TRPM1: variants seen among roughly 807,000 people sequenced by gnomAD.
TRPM1 encodes TRPM1-203 APA Isoform, Intron 10.
In TRPM1, 113 loss-of-function variants were observed where a neutral mutation model predicts 149.4. The observed-to-expected ratio is 0.76, with a 90% confidence interval of 0.65 to 0.88. TRPM1 has a LOEUF of 0.88. Ranked by LOEUF, TRPM1 falls within the 40% of genes least tolerant of loss-of-function variation. The pLI is 0.00. For synonymous variants in TRPM1, 741 were observed against 759.5 expected (o/e 0.98, Z 0.40); for missense variants, 1,976 against 2,038.7 (o/e 0.97, Z 0.59).
chr15:31,074,855 G>A (rs1321112089), intron 3 of TRPM1, among the ~76,000 whole-genome samples: 1 of 152,024 alleles, frequency 6.6e-6, no homozygotes, highest in Non-Finnish European at 1.5e-5. Flanking sequence ...CATCCCCTAA[G>A]TTTTGGTTTG....
At position 31,077,084 on chromosome 15, in the gene TRPM1, A is replaced by T. The variant is rs1204625813; in HGVS notation, c.4-100T>A. 6.5e-6 allele frequency: 5 copies of T among 771,724 alleles called. No homozygotes were observed. In the Admixed American group the frequency reaches 9.9e-5, roughly 15 times the overall value. The allele number at this position is 771,724 out of a possible 1,614,324, so 47.8% of individuals were successfully genotyped here. A position where few individuals can be genotyped will look rare whatever the true frequency, so the allele number is the denominator to read the frequency against. On this transcript the variant is annotated intron_variant, in intron 2 of 27. Coordinates refer to ENST00000256552, the MANE Select transcript of TRPM1 (RefSeq NM_001252024.2). ...ATAAAACAATATGTCTGCCCACAAC[A>T]TCTGAATAGTCATCTGCAATAATGG...
chr15:31,111,038 T>C (rs1378430233), intron 1 of TRPM1, among the ~76,000 whole-genome samples: 1 of 152,122 alleles, frequency 6.6e-6, no homozygotes, highest in Non-Finnish European at 1.5e-5. Flanking sequence ...TTTTGTTTCT[T>C]TGTTTTAATC....
At chr15:31,157,666 G>A (rs1352700004) in intron 1 of TRPM1, among the ~76,000 whole-genome samples, 1 of 152,166 alleles carries the variant, frequency 6.6e-6, no homozygotes, top group Non-Finnish European at 1.5e-5. Flanking sequence ...GCAGGCTGCT[G>A]AGGGATGGAG....
chr15:31,064,281 C>T (rs1399526648), intron 7 of TRPM1, among the ~76,000 whole-genome samples: 1 of 152,086 alleles, frequency 6.6e-6, no homozygotes, highest in African/African-American at 2.4e-5. Flanking sequence ...AGATCTTGGA[C>T]GCAGCCACTT....
chr15:31,140,310 C>T (rs560617313), intron 1 of TRPM1, among the ~76,000 whole-genome samples: 6 of 151,428 alleles, frequency 4.0e-5, no homozygotes, highest in Non-Finnish European at 7.4e-5. Flanking sequence ...ACCCAGGAGG[C>T]GGAGCTTGCA....
intron 1 of TRPM1, among the ~76,000 whole-genome samples, chr15:31,160,630 T>C (rs1411932600): frequency 1.3e-5 from 2 of 152,216 alleles, no homozygotes; most frequent in Non-Finnish European, 2.9e-5. Context: ...TGAAAGGATT[T>C]GTGCCACTCA....
chr15:31,119,975 A>T (rs1000715269), intron 1 of TRPM1, among the ~76,000 whole-genome samples: 3 of 152,162 alleles, frequency 2.0e-5, no homozygotes, highest in Non-Finnish European at 4.4e-5. Context: ...AATGGTTACA[A>T]ATATGATAGA....
At chr15:31,104,977 A>G (rs748526161), upstream of TRPM1, among the ~76,000 whole-genome samples, 3 of 152,182 alleles carry the variant, frequency 2.0e-5, no homozygotes, top group African/African-American at 7.2e-5. Flanking sequence ...TTCCCTGGGC[A>G]GATTTGGTCA....
At chr15:31,110,618 G>A (rs1412621821) in intron 1 of TRPM1, among the ~76,000 whole-genome samples, 1 of 152,148 alleles carries the variant, frequency 6.6e-6, no homozygotes, top group Admixed American at 6.5e-5. Flanking sequence ...GTCAACAGGT[G>A]AACGTTGGCA....
At chr15:31,149,118 T>A (rs1012878253) in intron 1 of TRPM1, among the ~76,000 whole-genome samples, 1 of 152,174 alleles carries the variant, frequency 6.6e-6, no homozygotes, top group Admixed American at 6.5e-5. Context: ...TAATAGCCAA[T>A]GTCCCAGATC....
At chr15:31,061,369 G>A in intron 10 of TRPM1, 73 bp downstream of exon 10, 1 of 1,462,620 alleles carries the variant, frequency 6.8e-7, no homozygotes, top group East Asian at 2.3e-5. Context: ...TAGTCCATGG[G>A]AGGCCGGGAG....
At chr15:31,118,568 C>T (rs10467996) in intron 1 of TRPM1, among the ~76,000 whole-genome samples, 94,907 of 151,924 alleles carry the variant, frequency 0.62, 29,821 homozygotes, top group East Asian at 0.74. Flanking sequence ...TATTGTAGAA[C>T]GAGTGGCAAC....
Position 31,001,573 on chromosome 15 carries a change from C to T in TRPM1, c.*249G>A, listed in dbSNP as rs2031763202. On this transcript the variant is annotated 3_prime_UTR_variant, in exon 28 of 28. Transcript: ENST00000256552. ...TAAAGAGATTGTATAATCTTGTATACTGATTAGCCAATTTATCTTCGTTAC... is the reference window on the plus strand; with the variant it reads ...TAAAGAGATTGTATAATCTTGTATATTGATTAGCCAATTTATCTTCGTTAC... The T allele has an allele frequency of 1.8e-6, 1 of 568,132 alleles. No homozygotes were observed. The highest frequency in any genetic ancestry group is 3.1e-6 in the Non-Finnish European group (1 of 323,182). 35.2% of individuals were successfully genotyped at this position (568,132 alleles called of 1,614,324 possible).
Position 31,049,358 on chromosome 15 carries a change from TTTTCTAGA to T in TRPM1, c.1572+9_1572+16del. ...GTGGCTGCCTCCCGCTTCCTTCCCT[TTTTCTAGA>T]GCACTCACTGTGTTATAAAGCTCCT... On this transcript the variant is annotated intron_variant, in intron 13 of 27. Transcript: ENST00000256552. The T allele has an allele frequency of 2.5e-6, 4 of 1,614,136 alleles. No homozygotes were observed. The highest frequency in any genetic ancestry group is 3.4e-6 in the Non-Finnish European group (4 of 1,179,992).
chr15:31,029,502 A>G (rs1028732986), intron 23 of TRPM1, 111 bp from the exon 24 acceptor site: 3 of 1,066,072 alleles, frequency 2.8e-6, no homozygotes, highest in Admixed American at 1.9e-5. Context: ...GTTTAACAAC[A>G]TAACTGTTTT....
At chr15:31,088,878 C>G (rs962220734) in intron 1 of TRPM1, among the ~76,000 whole-genome samples, 1 of 152,118 alleles carries the variant, frequency 6.6e-6, no homozygotes, top group Non-Finnish European at 1.5e-5. Context: ...CATTTGGCCC[C>G]CCCGAGCGGG....
chr15:31,067,989 C>G lies in TRPM1; in HGVS notation c.383G>C (p.Gly128Ala). The stretch of plus-strand genomic sequence containing the variant: ...GGGCTGCATCTCAAAGTTCTGGAGG[C>G]CTCCATGCACAGATATTAAGAGCTT... ...LPKLLISVHG[G>A]LQNFEMQPKL... The change falls in exon 5 of 28, where the codon GGC becomes GCC. Residue 128 changes from glycine to alanine, a missense_variant. Around this residue, in one of 3 missense-constraint regions of TRPM1, gnomAD observed 1,332 missense variants for 1,347.1 expected, o/e 0.99. Transcript: ENST00000256552. 2 of 1,614,182 alleles carry G rather than the reference C, an allele frequency of 1.2e-6. No homozygotes were observed. Among genetic ancestry groups the G allele is most frequent in the Non-Finnish European group, 8.5e-7 (1 of 1,180,042 alleles).
At chr15:31,052,371 A>G (rs2033969051) in intron 11 of TRPM1, among the ~76,000 whole-genome samples, 2 of 152,224 alleles carry the variant, frequency 1.3e-5, no homozygotes, top group Admixed American at 1.3e-4. Context: ...TGGTGCTGGG[A>G]AAACTGGATA....
In TRPM1 at chr15:31,070,021, C is replaced by T. The variant is rs1263514846; in HGVS notation, c.279+10G>A. ...ATCCTAGTGGCACCATGTCTGAATG[C>T]CTTTCTCACCATGGCTTTATTGGAA... On this transcript the variant is annotated intron_variant, in intron 4 of 27. Coordinates refer to ENST00000256552, the MANE Select transcript of TRPM1 (RefSeq NM_001252024.2). The T allele has an allele frequency of 3.7e-6, 6 of 1,614,062 alleles. No individual in the cohort carries two copies. The highest frequency in any genetic ancestry group is 4.5e-5 in the East Asian group (2 of 44,896).
Sources: gnomAD v4.1 joint callset for allele counts (sites outside exome capture counted in the v4.1 genomes callset) on GRCh38, gnomAD v4.1.1 for gene constraint, gnomAD v4.1.1 regional missense constraint, MANE v1.5 for transcripts, NCBI Gene and HGNC (gene_info 2026-07-23, HGNC 2026-07-21) for gene names.